The following PLCG2 variants were observed in gnomAD, a reference collection of about 807,000 sequenced individuals.
PLCG2 encodes the protein 1-phosphatidylinositol 4,5-bisphosphate phosphodiesterase gamma-2.
Under a neutral mutation model 175.6 loss-of-function variants are expected in PLCG2, and 69 were observed. The observed-to-expected ratio is 0.39, with a 90% CI of 0.32 to 0.48. The LOEUF (loss-of-function observed/expected upper bound fraction) is 0.48. Among genes scored for constraint, PLCG2 ranks in the 20% least tolerant of loss-of-function variants. PLCG2 has a pLI of 0.91. For synonymous variants in PLCG2, 827 were observed against 624.0 expected (o/e 1.33, Z -4.85); for missense variants, 1,798 against 1,650.9 (o/e 1.09, Z -1.54).
chr16:81,741,777 C>G (rs1255658121), intron 1 of PLCG2, among the ~76,000 whole-genome samples: 1 of 152,118 alleles, frequency 6.6e-6, no homozygotes, highest in African/African-American at 2.4e-5. Flanking sequence ...TGCCACTGAA[C>G]TCTAGCCTGG....
chr16:81,925,312 G>T (rs962315189), intron 22 of PLCG2, among the ~76,000 whole-genome samples: 2 of 152,140 alleles, frequency 1.3e-5, no homozygotes, highest in Non-Finnish European at 2.9e-5. Flanking sequence ...CCTGTAGCTA[G>T]GGGACCAAAC....
intron 9 of PLCG2, 94 bp downstream of exon 9, chr16:81,883,435 C>T: frequency 3.2e-6 from 3 of 950,328 alleles, no homozygotes; most frequent in South Asian, 2.7e-5. Context: ...CACCTGGTCA[C>T]CTGTGCTCAC....
intron 7 of PLCG2, among the ~76,000 whole-genome samples, chr16:81,872,120 G>A (rs777979269): frequency 6.6e-6 from 1 of 152,144 alleles, no homozygotes; most frequent in Non-Finnish European, 1.5e-5. Flanking sequence ...TTGAGGTCAG[G>A]AGTTTGAGAT....
Position 81,910,466 on chromosome 16 carries a change from C to T in PLCG2, c.1734-54C>T, listed in dbSNP as rs111663298. ...GTCCCCGCCTCTGAGGCCCTGGCTG[C>T]CGCAATGGCCTGGCCTGCGTTCTCC... is the stretch of plus-strand genomic sequence containing the variant. On this transcript the variant is annotated intron_variant, in intron 17 of 32. Transcript: ENST00000564138. 2.7e-3 allele frequency: 4,198 copies of T among 1,529,376 alleles called. 101 individuals are homozygous for T. In the African/African-American group the frequency reaches 0.049, roughly 18 times the overall value. 94.7% of individuals were successfully genotyped at this position (1,529,376 alleles called of 1,614,324 possible).
chr16:81,826,082 A>G (rs1157703775), intron 2 of PLCG2, among the ~76,000 whole-genome samples: 1 of 152,170 alleles, frequency 6.6e-6, no homozygotes, highest in Non-Finnish European at 1.5e-5. Flanking sequence ...TGTCACCAAA[A>G]CAACGGAGAT....
In PLCG2 at chr16:81,960,288, T is replaced by C. The variant is rs909823041; in HGVS notation, c.*2290T>C. 3 of 220,712 alleles carry C rather than the reference T, an allele frequency of 1.4e-5. No individual in the cohort carries two copies. The highest frequency in any genetic ancestry group is 6.7e-5 in the African/African-American group (3 of 44,658). 13.7% of individuals were successfully genotyped at this position (220,712 alleles called of 1,614,324 possible). A position where few individuals can be genotyped will look rare whatever the true frequency, so the allele number is the denominator to read the frequency against. ...CAGAGTCTATGTGATGCTACATAACTTCAGTATCTAGCTGAGACATGCTTC... is the reference window on the plus strand; with the variant it reads ...CAGAGTCTATGTGATGCTACATAACCTCAGTATCTAGCTGAGACATGCTTC... On this transcript the variant is annotated 3_prime_UTR_variant, in exon 33 of 33. Coordinates refer to ENST00000564138, the MANE Select transcript of PLCG2 (RefSeq NM_002661.5).
At chr16:81,918,516 C>G (rs1474214756) in intron 19 of PLCG2, among the ~76,000 whole-genome samples, 1 of 152,140 alleles carries the variant, frequency 6.6e-6, no homozygotes, top group Non-Finnish European at 1.5e-5. Flanking sequence ...TCCTTTCCCC[C>G]TGGTGTGTTC....
intron 22 of PLCG2, among the ~76,000 whole-genome samples, chr16:81,924,754 G>T (rs1192446432): frequency 6.6e-6 from 1 of 152,248 alleles, no homozygotes; most frequent in Non-Finnish European, 1.5e-5. Context: ...GAGCTGGAGT[G>T]GGGGCGTAGA....
intron 21 of PLCG2, among the ~76,000 whole-genome samples, chr16:81,921,977 CT>C (rs1358674459): frequency 6.6e-6 from 1 of 152,146 alleles, no homozygotes; most frequent in African/African-American, 2.4e-5. Context: ...ATTAAGAGAC[CT>C]TAGTAGCAAA....
At chr16:81,921,496 T>A in intron 21 of PLCG2, 3 of 557,744 alleles carry the variant, frequency 5.4e-6, no homozygotes, top group South Asian at 3.7e-5. Flanking sequence ...TTTGCTAAAA[T>A]TCTGAGGTTT....
At chr16:81,800,151 G>A (rs1911658153) in intron 2 of PLCG2, among the ~76,000 whole-genome samples, 1 of 152,154 alleles carries the variant, frequency 6.6e-6, no homozygotes, top group Admixed American at 6.5e-5. Flanking sequence ...GGGTATCATA[G>A]TACCTGGCAA....
intron 17 of PLCG2, among the ~76,000 whole-genome samples, chr16:81,910,265 AT>A (rs1366924858): frequency 1.3e-5 from 2 of 151,920 alleles, no homozygotes; most frequent in African/African-American, 4.8e-5. Flanking sequence ...TAATTTTTGT[AT>A]TTTTAGTAGA....
intron 2 of PLCG2, among the ~76,000 whole-genome samples, chr16:81,830,129 G>A (rs1190828479): frequency 1.3e-5 from 2 of 151,998 alleles, no homozygotes; most frequent in Non-Finnish European, 2.9e-5. Flanking sequence ...AGAATAGCCT[G>A]GGTAACATGA....
At chr16:81,891,814 A>G (rs1225045340) in intron 11 of PLCG2, among the ~76,000 whole-genome samples, 1 of 152,198 alleles carries the variant, frequency 6.6e-6, no homozygotes. Flanking sequence ...GTGGCCCTAA[A>G]AAGCTAGTAA....
At chr16:81,899,227 C>G (rs1219012169) in intron 13 of PLCG2, among the ~76,000 whole-genome samples, 2 of 150,948 alleles carry the variant, frequency 1.3e-5, no homozygotes, top group Non-Finnish European at 2.9e-5. Context: ...TAAATAAATA[C>G]ATAAATAAAT....
chr16:81,744,453 G>A (rs1909664457), intron 1 of PLCG2, among the ~76,000 whole-genome samples: 1 of 152,140 alleles, frequency 6.6e-6, no homozygotes, highest in African/African-American at 2.4e-5. Flanking sequence ...GTGAGCCACC[G>A]CACCCAGTCC....
chr16:81,904,808 A>C (rs1234633085), intron 14 of PLCG2, among the ~76,000 whole-genome samples: 1 of 152,216 alleles, frequency 6.6e-6, no homozygotes, highest in Non-Finnish European at 1.5e-5. Flanking sequence ...TGGTGTGTGT[A>C]GGGCTAGACA....
intron 17 of PLCG2, among the ~76,000 whole-genome samples, chr16:81,909,991 A>G (rs1909545936): frequency 7.8e-6 from 1 of 128,396 alleles, no homozygotes; most frequent in Non-Finnish European, 1.6e-5. Context: ...GCAGTTATAT[A>G]TATAAAAGGG....
At chr16:81,914,893 G>A (rs1486966073) in intron 19 of PLCG2, among the ~76,000 whole-genome samples, 1 of 152,190 alleles carries the variant, frequency 6.6e-6, no homozygotes, top group East Asian at 1.9e-4. Flanking sequence ...GTTTCTCAAA[G>A]AGTTGGGGTG....
Sources: allele counts gnomAD v4.1 joint callset (sites outside exome capture counted in the v4.1 genomes callset), GRCh38; gene constraint gnomAD v4.1.1; transcripts MANE v1.5; gene names NCBI Gene and HGNC (gene_info 2026-07-23, HGNC 2026-07-21).